The following ELOF1 variants were observed in gnomAD, a reference collection of about 807,000 sequenced individuals.
ELOF1 encodes transcription elongation factor 1 homolog.
In ELOF1, 4 loss-of-function variants were observed where a neutral mutation model predicts 7.1. The ratio of observed to expected loss-of-function variants is 0.56; its 90% CI spans 0.28 to 1.29. ELOF1 has a LOEUF of 1.29. ELOF1 is among the 50% of genes most tolerant of loss of function. The probability of loss-of-function intolerance (pLI) is 0.10; values close to 1 mark genes in which losing one functional copy is unlikely to be tolerated. For missense variants in ELOF1, 59 were observed against 86.3 expected, an observed-to-expected ratio of 0.68 and a Z score of 1.25; for synonymous variants, 31 against 31.9, an observed-to-expected ratio of 0.97 and a Z score of 0.09.
intron 1 of ELOF1, 84 bp from the exon 2 acceptor site, chr19:11,554,449 G>C (rs1267826189): frequency 2.6e-6 from 4 of 1,532,182 alleles, no homozygotes; most frequent in Admixed American, 2.1e-5. Flanking sequence ...CCGGAAAGAG[G>C]GTCTGGGACT....
At chr19:11,553,582 T>TAC (rs57015096) in intron 3 of ELOF1, 9,118 of 603,460 alleles carry the variant, frequency 0.015, 35 homozygotes, top group East Asian at 0.065. Flanking sequence ...GCACACCCAC[T>TAC]ACACACACAC....
intron 3 of ELOF1, chr19:11,553,763 C>T (rs1295156015): frequency 6.2e-7 from 1 of 1,614,110 alleles, no homozygotes; most frequent in Non-Finnish European, 8.5e-7. Flanking sequence ...TTGGCCGCCT[C>T]GCAGGCGTCT....
chr19:11,558,671 G>A (rs1024571160), intron 1 of ELOF1, among the ~76,000 whole-genome samples: 1 of 150,660 alleles, frequency 6.6e-6, no homozygotes, highest in Non-Finnish European at 1.5e-5. Flanking sequence ...AGGCTGCAAT[G>A]AGCTATGATC....
chr19:11,555,885 C>T (rs906777305), intron 1 of ELOF1, among the ~76,000 whole-genome samples: 7 of 152,090 alleles, frequency 4.6e-5, no homozygotes, highest in South Asian at 4.2e-4. Flanking sequence ...GTGAGTGTGA[C>T]GAGAGAAGGA....
intron 1 of ELOF1, among the ~76,000 whole-genome samples, chr19:11,556,475 A>AT (rs375542581): frequency 2.6e-5 from 4 of 151,694 alleles, no homozygotes; most frequent in African/African-American, 9.7e-5. Context: ...AATTTTTTGT[A>AT]TTTTTAGTAG....
In ELOF1 at chr19:11,554,042, C is replaced by T. The variant is rs532574810; in HGVS notation, c.156G>A (p.Val52=). Reference sequence around the variant, plus strand: ...TGGGCGTCTGGAATTCCTCTAGGCACACGGTACAAGAGATGACTCCGGTGT... The same window carrying T: ...TGGGCGTCTGGAATTCCTCTAGGCATACGGTACAAGAGATGACTCCGGTGT... Residue 52 remains valine (V), a synonymous_variant, in exon 3 of 4, where the codon GTG becomes GTA. Coordinates refer to ENST00000586683, the Ensembl canonical transcript of ELOF1. 6.0e-5 allele frequency: 97 copies of T among 1,614,206 alleles called. 1 individual carries two copies. The South Asian group carries it at 9.6e-4, about 16-fold the overall frequency.
At chr19:11,557,304 C>T (rs1237572486) in intron 1 of ELOF1, among the ~76,000 whole-genome samples, 2 of 152,244 alleles carry the variant, frequency 1.3e-5, no homozygotes, top group East Asian at 1.9e-4. Flanking sequence ...GAAGAGAGCA[C>T]GTGAGTTTGG....
exon 2 of ELOF1, chr19:11,554,279 C>T (rs754080376): frequency 3.7e-6 from 6 of 1,613,940 alleles, no homozygotes; most frequent in Middle Eastern, 1.6e-4. Flanking sequence ...GGCAGGTGAA[C>T]TGGGTCTCGA....
intron 1 of ELOF1, among the ~76,000 whole-genome samples, chr19:11,557,066 G>A (rs921521981): frequency 6.6e-6 from 1 of 152,086 alleles, no homozygotes; most frequent in Non-Finnish European, 1.5e-5. Context: ...CTGTTTTAGT[G>A]TACAGCCATC....
chr19:11,558,245 C>T (rs1972861721), intron 1 of ELOF1, among the ~76,000 whole-genome samples: 1 of 152,044 alleles, frequency 6.6e-6, no homozygotes, highest in African/African-American at 2.4e-5. Context: ...CCCTCTACCT[C>T]TGAAATATAA....
At chr19:11,554,301 ATCT>A (rs1972792740) in exon 2 of ELOF1, 4 of 1,613,884 alleles carry the variant, frequency 2.5e-6, no homozygotes, top group Non-Finnish European at 2.5e-6. Context: ...GGTGCCTGTC[ATCT>A]TCTTCTTGGG....
intron 1 of ELOF1, chr19:11,555,197 C>T: frequency 4.4e-6 from 1 of 224,958 alleles, no homozygotes; most frequent in Non-Finnish European, 9.2e-6. Context: ...GCGGAGACTG[C>T]AGTGAGCCGA....
intron 1 of ELOF1, among the ~76,000 whole-genome samples, chr19:11,557,595 A>G (rs1972851919): frequency 2.5e-5 from 2 of 80,658 alleles, no homozygotes; most frequent in South Asian, 8.2e-4. Context: ...AACTTCATCT[A>G]AAAAAAAAAA....
chr19:11,553,887 G>A, intron 3 of ELOF1, 77 bp from the exon 4 acceptor site: 1 of 1,611,198 alleles, frequency 6.2e-7, no homozygotes, highest in African/African-American at 1.3e-5. Flanking sequence ...GAAATCACTA[G>A]GTGGCACCTG....
rs1461842772 is a variant in ELOF1, at chr19:11,553,539, C to T, written c.187+472G>A. ...CACCCCAGTGACACGTGCAGCCACA[C>T]ACACCCACACTCACTCACACCCACA... On this transcript the variant is annotated intron_variant, in intron 3 of 3. Transcript: ENST00000586683. 10 of 644,146 alleles carry T rather than the reference C, an allele frequency of 1.6e-5. No individual in the cohort carries two copies. In the Admixed American group the frequency reaches 2.7e-4, roughly 17 times the overall value. The allele number at this position is 644,146 out of a possible 1,614,324, so 39.9% of individuals were successfully genotyped here. A position where few individuals can be genotyped will look rare whatever the true frequency, so the allele number is the denominator to read the frequency against.
At chr19:11,553,062 TATTTAAGGGCTTGTGATTG>T in intron 3 of ELOF1, 1 of 399,456 alleles carries the variant, frequency 2.5e-6, no homozygotes, top group Non-Finnish European at 4.4e-6. Flanking sequence ...CTGGCTGCTT[TATTTAAGGGCTTGTGATTG>T]ACAGCTGTCC....
chr19:11,557,594 T>TA (rs56991908), intron 1 of ELOF1, among the ~76,000 whole-genome samples: 2,188 of 78,054 alleles, frequency 0.028, 45 homozygotes, highest in Admixed American at 0.079. Context: ...AAACTTCATC[T>TA]AAAAAAAAAA....
intron 1 of ELOF1, among the ~76,000 whole-genome samples, chr19:11,558,740 A>AG (rs1402563686): frequency 6.6e-6 from 1 of 151,824 alleles, no homozygotes; most frequent in East Asian, 1.9e-4. Flanking sequence ...AAAAAAAAAA[A>AG]AAGTCCAAAC....
At chr19:11,558,161 A>C (rs1429129987) in intron 1 of ELOF1, among the ~76,000 whole-genome samples, 2 of 152,154 alleles carry the variant, frequency 1.3e-5, no homozygotes, top group Non-Finnish European at 2.9e-5. Flanking sequence ...TTTCCGGATA[A>C]TCAAATCAGA....
Sources: gnomAD v4.1 joint callset for allele counts (sites outside exome capture counted in the v4.1 genomes callset) on GRCh38, gnomAD v4.1.1 for gene constraint, MANE v1.5 for transcripts, NCBI Gene and HGNC (gene_info 2026-07-23, HGNC 2026-07-21) for gene names.